LIN7A: variants seen among roughly 807,000 people sequenced by gnomAD.
LIN7A encodes protein lin-7 homolog A.
A neutral mutation model predicts 29.8 loss-of-function variants in LIN7A; 25 were observed. The observed-to-expected ratio is 0.84, with a 90% CI of 0.61 to 1.17. The LOEUF (loss-of-function observed/expected upper bound fraction) is 1.17, where lower values mean the gene tolerates loss of function less well. LIN7A is among the 50% of genes most tolerant of loss of function. The probability of loss-of-function intolerance (pLI) is 0.00; values close to 1 mark genes in which losing one functional copy is unlikely to be tolerated. For missense variants in LIN7A, 239 were observed against 287.0 expected, an observed-to-expected ratio of 0.83 and a Z score of 1.21; for synonymous variants, 118 against 107.5, an observed-to-expected ratio of 1.10 and a Z score of -0.60.
Position 80,807,083 on chromosome 12 carries a change from T to TTTTTTTTTGTTTTTG in LIN7A, c.*4381_*4382insCAAAAACAAAAAAAA, listed in dbSNP as rs537102844. ...ATGGAGTTTTTTTTTTTTTTTTTTT[T>TTTTTTTTTGTTTTTG]TTTTTTTTGACGGAGTCTCGCTCTG... On this transcript the variant is annotated intron_variant, in intron 5 of 5. Coordinates refer to ENST00000552864, the MANE Select transcript of LIN7A (RefSeq NM_004664.4). Among the ~76,000 whole-genome samples, 150 of 137,226 alleles carry TTTTTTTTTGTTTTTG rather than the reference T, an allele frequency of 1.1e-3. 5 individuals carry two copies. Among genetic ancestry groups the TTTTTTTTTGTTTTTG allele is most frequent in the Non-Finnish European group, 1.7e-3 (110 of 63,664 alleles). The allele number at this position is 137,226 out of a possible 152,430, so 90.0% of individuals were successfully genotyped here.
At chr12:80,870,520 G>A (rs1874373310) in intron 2 of LIN7A, among the ~76,000 whole-genome samples, 1 of 152,136 alleles carries the variant, frequency 6.6e-6, no homozygotes, top group African/African-American at 2.4e-5. Flanking sequence ...ACAGAAGTGG[G>A]GAGCACAGAG....
intron 3 of LIN7A, 44 bp from the exon 4 acceptor site, chr12:80,845,983 G>A: frequency 1.3e-6 from 2 of 1,529,964 alleles, no homozygotes; most frequent in African/African-American, 1.4e-5. Context: ...ATAAAATGAG[G>A]GAAATAAAGG....
chr12:80,862,690 T>G (rs1454918375), intron 2 of LIN7A, among the ~76,000 whole-genome samples: 1 of 152,142 alleles, frequency 6.6e-6, no homozygotes, highest in Non-Finnish European at 1.5e-5. Flanking sequence ...GAGGGGCCAT[T>G]TGAAACAGCA....
chr12:80,931,237 G>A (rs1292651267), intron 1 of LIN7A, among the ~76,000 whole-genome samples: 1 of 152,158 alleles, frequency 6.6e-6, no homozygotes, highest in East Asian at 1.9e-4. Flanking sequence ...ATACATTTCA[G>A]GGCTCGGATG....
In LIN7A at chr12:80,884,774, T is replaced by C. The variant is rs182121379; in HGVS notation, c.201+4477A>G. 2.0e-5 allele frequency among the ~76,000 whole-genome samples: 3 copies of C among 152,284 alleles called. No homozygotes were observed. In the East Asian group the frequency reaches 5.8e-4, roughly 29 times the overall value. On this transcript the variant is annotated intron_variant, in intron 2 of 5. Coordinates refer to ENST00000552864, the MANE Select transcript of LIN7A (RefSeq NM_004664.4). ...TCTACTACTTTAGAAAATACTAACA[T>C]TCAATTTGGTGATTAGCCAAAGAAG...
At chr12:80,845,001 G>A (rs985684004) in intron 4 of LIN7A, among the ~76,000 whole-genome samples, 3 of 152,196 alleles carry the variant, frequency 2.0e-5, no homozygotes, top group African/African-American at 7.2e-5. Flanking sequence ...CACTTTGGGA[G>A]GCCGAGGCAG....
intron 2 of LIN7A, among the ~76,000 whole-genome samples, chr12:80,871,602 A>G (rs1874430383): frequency 6.6e-6 from 1 of 152,078 alleles, no homozygotes; most frequent in Non-Finnish European, 1.5e-5. Context: ...CATTATAAAT[A>G]TTGCTTTATC....
intron 2 of LIN7A, among the ~76,000 whole-genome samples, chr12:80,887,544 G>A (rs1181578715): frequency 6.6e-6 from 1 of 152,056 alleles, no homozygotes; most frequent in Non-Finnish European, 1.5e-5. Context: ...TTGCACTTGT[G>A]ATTTCTTCTG....
chr12:80,831,795 T>G (rs1872362558), intron 4 of LIN7A, among the ~76,000 whole-genome samples: 1 of 152,228 alleles, frequency 6.6e-6, no homozygotes, highest in Non-Finnish European at 1.5e-5. Context: ...GTGTCTAAAT[T>G]GCTATAACAT....
intron 2 of LIN7A, among the ~76,000 whole-genome samples, chr12:80,881,636 TA>T (rs1875044364): frequency 6.6e-6 from 1 of 152,080 alleles, no homozygotes; most frequent in South Asian, 2.1e-4. Context: ...AAGTTATATA[TA>T]TATATATATG....
At chr12:80,838,926 A>G (rs1435436740) in intron 4 of LIN7A, among the ~76,000 whole-genome samples, 1 of 152,200 alleles carries the variant, frequency 6.6e-6, no homozygotes, top group Non-Finnish European at 1.5e-5. Flanking sequence ...CCTGGTGCAA[A>G]CTGGAATGAT....
intron 1 of LIN7A, among the ~76,000 whole-genome samples, chr12:80,899,965 C>T (rs1253515220): frequency 6.6e-6 from 1 of 151,606 alleles, no homozygotes; most frequent in Non-Finnish European, 1.5e-5. Context: ...GACGGGGTTT[C>T]ACCGTGTTAG....
intron 1 of LIN7A, among the ~76,000 whole-genome samples, chr12:80,916,790 A>G (rs1033907899): frequency 6.7e-6 from 1 of 149,584 alleles, no homozygotes; most frequent in African/African-American, 2.5e-5. Flanking sequence ...TGCCAAGAAG[A>G]CAAGTAGACA....
chr12:80,879,643 C>A (rs1297476503), intron 2 of LIN7A, among the ~76,000 whole-genome samples: 1 of 26,484 alleles, frequency 3.8e-5, no homozygotes, highest in African/African-American at 6.4e-5. Context: ...TATGGAGCAG[C>A]CCAAAAAAAA....
At chr12:80,878,470 C>T (rs753631385) in intron 2 of LIN7A, among the ~76,000 whole-genome samples, 3 of 152,070 alleles carry the variant, frequency 2.0e-5, no homozygotes, top group East Asian at 3.9e-4. Flanking sequence ...TTTGTGGTCT[C>T]GCTGACTTCA....
At chr12:80,866,485 A>G (rs1052875653) in intron 2 of LIN7A, among the ~76,000 whole-genome samples, 1 of 152,102 alleles carries the variant, frequency 6.6e-6, no homozygotes, top group Non-Finnish European at 1.5e-5. Flanking sequence ...TGTTTCAGTT[A>G]TGAAAAACTC....
intron 5 of LIN7A, among the ~76,000 whole-genome samples, chr12:80,800,627 C>T (rs190273016): frequency 6.6e-6 from 1 of 151,910 alleles, no homozygotes; most frequent in East Asian, 1.9e-4. Flanking sequence ...GCAGGAAGCA[C>T]CCGACCCTGA....
At chr12:80,879,347 A>T (rs1874897712) in intron 2 of LIN7A, among the ~76,000 whole-genome samples, 1 of 151,702 alleles carries the variant, frequency 6.6e-6, no homozygotes, top group Non-Finnish European at 1.5e-5. Flanking sequence ...AGAAAAATCC[A>T]CTCATGTGTG....
At chr12:80,900,150 T>G (rs1001806313) in intron 1 of LIN7A, among the ~76,000 whole-genome samples, 43 of 152,296 alleles carry the variant, frequency 2.8e-4, no homozygotes, top group African/African-American at 8.9e-4. Context: ...TATTTGGATC[T>G]TCTCTTTTTT....
Sources: allele counts gnomAD v4.1 joint callset (sites outside exome capture counted in the v4.1 genomes callset), GRCh38; gene constraint gnomAD v4.1.1; transcripts MANE v1.5; gene names NCBI Gene and HGNC (gene_info 2026-07-23, HGNC 2026-07-21).